Variants in UBXN2A observed in about 807,000 individuals in gnomAD.
UBXN2A encodes the protein UBX domain-containing protein 2A.
A neutral mutation model predicts 28.4 loss-of-function variants in UBXN2A; 28 were observed. The observed-to-expected ratio is 0.99, with a 90% CI of 0.73 to 1.35. The LOEUF is 1.35. Ranked by LOEUF, UBXN2A falls within the 40% of genes most tolerant of loss-of-function variation. UBXN2A has a pLI of 0.00. For missense variants in UBXN2A, 253 were observed against 297.9 expected, an observed-to-expected ratio of 0.85 and a Z score of 1.11; for synonymous variants, 97 against 103.6, an observed-to-expected ratio of 0.94 and a Z score of 0.39.
intron 3 of UBXN2A, among the ~76,000 whole-genome samples, chr2:23,976,646 A>G (rs890321851): frequency 3.3e-5 from 5 of 152,170 alleles, no homozygotes; most frequent in Non-Finnish European, 5.9e-5. Context: ...GGCCCCCGTG[A>G]TTCAATTACC....
chr2:23,946,410 T>G (rs1706081911), intron 1 of UBXN2A, among the ~76,000 whole-genome samples: 1 of 151,926 alleles, frequency 6.6e-6, no homozygotes, highest in Non-Finnish European at 1.5e-5. Flanking sequence ...AATGTCCGCC[T>G]CCTGGGTTCA....
chr2:23,990,118 A>G (rs1056532696), intron 6 of UBXN2A, among the ~76,000 whole-genome samples: 1 of 151,862 alleles, frequency 6.6e-6, no homozygotes. Context: ...TTGAATTCCA[A>G]TATGGATTCC....
At chr2:23,982,387 A>C (rs1435248447) in intron 4 of UBXN2A, among the ~76,000 whole-genome samples, 1 of 152,064 alleles carries the variant, frequency 6.6e-6, no homozygotes, top group African/African-American at 2.4e-5. Flanking sequence ...AAAAGTTTAC[A>C]AATTTTTGTT....
chr2:23,932,740 T>A (rs1258900708), intron 1 of UBXN2A, among the ~76,000 whole-genome samples: 3 of 152,186 alleles, frequency 2.0e-5, no homozygotes, highest in African/African-American at 7.2e-5. Flanking sequence ...TGACAGAATA[T>A]ACCTTCAACA....
intron 6 of UBXN2A, among the ~76,000 whole-genome samples, chr2:23,987,806 A>G (rs1259850073): frequency 6.0e-5 from 9 of 150,552 alleles, no homozygotes; most frequent in African/African-American, 2.2e-4. Context: ...AAAAACTTAC[A>G]GAAAATGTTC....
chr2:23,927,859 T>C (rs755769667), intron 1 of UBXN2A, among the ~76,000 whole-genome samples: 3 of 152,020 alleles, frequency 2.0e-5, no homozygotes, highest in Non-Finnish European at 4.4e-5. Context: ...AAAAAAAAAT[T>C]AAGCCACACA....
intron 1 of UBXN2A, among the ~76,000 whole-genome samples, chr2:23,943,688 A>G (rs949024161): frequency 2.0e-5 from 3 of 151,974 alleles, no homozygotes; most frequent in African/African-American, 7.2e-5. Context: ...ACAGGGTTTC[A>G]CCATGTCGGT....
chr2:23,987,098 G>GAA (rs539193584), intron 6 of UBXN2A, among the ~76,000 whole-genome samples: 2 of 143,058 alleles, frequency 1.4e-5, no homozygotes, highest in Non-Finnish European at 1.5e-5. Flanking sequence ...GTCTCAAAAG[G>GAA]AAAAAAAAAA....
chr2:23,945,728 A>G (rs903105196), intron 1 of UBXN2A, among the ~76,000 whole-genome samples: 4 of 152,046 alleles, frequency 2.6e-5, no homozygotes, highest in African/African-American at 9.7e-5. Flanking sequence ...TTTCTCCTCA[A>G]ATTCCTTTTG....
chr2:23,971,783 T>C (rs1707433657), intron 3 of UBXN2A, among the ~76,000 whole-genome samples: 2 of 151,998 alleles, frequency 1.3e-5, no homozygotes, highest in Admixed American at 1.3e-4. Flanking sequence ...AGGCCAAAAC[T>C]GTTTTCATAA....
chr2:23,946,142 C>A (rs914461741), intron 1 of UBXN2A, among the ~76,000 whole-genome samples: 11 of 151,880 alleles, frequency 7.2e-5, no homozygotes, highest in Admixed American at 2.0e-4. Context: ...ACATTTAATT[C>A]TTTTGTTTAT....
At chr2:23,948,135 G>A (rs1161916612) in intron 1 of UBXN2A, among the ~76,000 whole-genome samples, 4 of 151,980 alleles carry the variant, frequency 2.6e-5, no homozygotes, top group African/African-American at 9.7e-5. Context: ...GATTACAGGC[G>A]TGAGCAACTG....
chr2:23,944,001 G>A (rs761754773), intron 1 of UBXN2A: 6 of 501,436 alleles, frequency 1.2e-5, no homozygotes, highest in East Asian at 8.4e-5. Context: ...AAACCGTCCC[G>A]TATCTCCCCA....
intron 6 of UBXN2A, 71 bp from the exon 7 acceptor site, chr2:23,999,601 G>C (rs1330729867): frequency 7.2e-7 from 1 of 1,397,126 alleles, no homozygotes; most frequent in Admixed American, 2.1e-5. Flanking sequence ...ACTTTTACCA[G>C]TTGTTGTTAC....
intron 3 of UBXN2A, among the ~76,000 whole-genome samples, chr2:23,973,193 G>A (rs1707493052): frequency 6.6e-6 from 1 of 151,496 alleles, no homozygotes; most frequent in Non-Finnish European, 1.5e-5. Flanking sequence ...CTAATTTTTT[G>A]TATTTTTAGT....
chr2:23,951,990 A>G (rs1233482625), intron 1 of UBXN2A, among the ~76,000 whole-genome samples: 16 of 142,196 alleles, frequency 1.1e-4, no homozygotes, highest in African/African-American at 3.4e-4. Flanking sequence ...TTTTTGAGAC[A>G]GAGTCTCACT....
chr2:23,954,541 A>G (rs190921622), intron 1 of UBXN2A, among the ~76,000 whole-genome samples: 69 of 152,162 alleles, frequency 4.5e-4, no homozygotes, highest in Non-Finnish European at 7.9e-4. Flanking sequence ...CAGGGTTTCA[A>G]TTTCGTTACA....
intron 1 of UBXN2A, among the ~76,000 whole-genome samples, chr2:23,955,772 T>C (rs1318205266): frequency 1.3e-5 from 2 of 152,236 alleles, no homozygotes; most frequent in Non-Finnish European, 2.9e-5. Context: ...TATACTGTTA[T>C]AATCTTATGG....
chr2:23,934,031 C>T (rs1174777876), intron 1 of UBXN2A, among the ~76,000 whole-genome samples: 1 of 152,130 alleles, frequency 6.6e-6, no homozygotes, highest in Non-Finnish European at 1.5e-5. Flanking sequence ...GCCTGGCCAA[C>T]ATGGTGAAAC....
Sources: gnomAD v4.1 joint callset for allele counts (sites outside exome capture counted in the v4.1 genomes callset) on GRCh38, gnomAD v4.1.1 for gene constraint, MANE v1.5 for transcripts, NCBI Gene and HGNC (gene_info 2026-07-23, HGNC 2026-07-21) for gene names.